MLH3: variants seen among roughly 807,000 people sequenced by gnomAD.
MLH3 encodes the protein DNA mismatch repair protein Mlh3.
MLH3 carries 82 observed loss-of-function variants against 122.2 expected under a neutral mutation model. The observed-to-expected ratio is 0.67, with a 90% CI of 0.56 to 0.81. MLH3 has a LOEUF of 0.81. Ranked by LOEUF, MLH3 falls within the 30% of genes least tolerant of loss-of-function variation. MLH3 has a pLI of 0.00. For missense variants in MLH3, 1,539 were observed against 1,714.5 expected (o/e 0.90, Z 1.81); for synonymous variants, 524 against 599.5 (o/e 0.87, Z 1.84).
intron 9 of MLH3, among the ~76,000 whole-genome samples, chr14:75,029,064 C>T (rs1447069963): frequency 2.9e-5 from 4 of 139,146 alleles, no homozygotes; most frequent in Admixed American, 7.7e-5. Context: ...GTAGGAGAAT[C>T]GCTTTAACCC....
intron 2 of MLH3, 107 bp downstream of exon 2, chr14:75,046,269 A>G (rs1892210328): frequency 5.9e-6 from 7 of 1,183,794 alleles, no homozygotes; most frequent in Non-Finnish European, 8.8e-6. Context: ...TGGTCTTCAA[A>G]ATGTTCTATC....
rs12050143 is a variant in MLH3, at chr14:75,043,305, C to A, written c.3281-828G>T. 2.2e-3 allele frequency among the ~76,000 whole-genome samples: 329 copies of A among 152,336 alleles called. 2 individuals carry two copies. The East Asian group carries it at 0.036, about 17-fold the overall frequency. On this transcript the variant is annotated intron_variant, in intron 2 of 12. Transcript: ENST00000355774. ...TATGTCTCTTATCTCCAATGTATGT[C>A]TCTATCCTAACATTTGTCTCATTAT...
intron 11 of MLH3, among the ~76,000 whole-genome samples, chr14:75,021,526 C>T (rs1177647211): frequency 6.6e-6 from 1 of 152,126 alleles, no homozygotes; most frequent in African/African-American, 2.4e-5. Context: ...AGGACATGAA[C>T]ACACACTTCT....
At position 75,046,270 on chromosome 14, in the gene MLH3, A is replaced by G. The variant is rs562805358; in HGVS notation, c.3280+106T>C. The G allele has an allele frequency of 2.5e-6, 3 of 1,188,354 alleles. No individual in the cohort carries two copies. The African/African-American group carries it at 4.5e-5, about 18-fold the overall frequency. 73.6% of individuals were successfully genotyped at this position (1,188,354 alleles called of 1,614,324 possible). On this transcript the variant is annotated intron_variant, in intron 2 of 12. Transcript: ENST00000355774. ...ATATGTTTTATAAGTGGTCTTCAAAATGTTCTATCTGTTGAGATAATCTCT... is the reference window on the plus strand; with the variant it reads ...ATATGTTTTATAAGTGGTCTTCAAAGTGTTCTATCTGTTGAGATAATCTCT...
At chr14:75,021,428 CTA>C (rs1256529797) in intron 11 of MLH3, among the ~76,000 whole-genome samples, 2 of 152,114 alleles carry the variant, frequency 1.3e-5, no homozygotes, top group Non-Finnish European at 2.9e-5. Context: ...TATCCAGAAT[CTA>C]TATAAGGAAC....
intron 9 of MLH3, among the ~76,000 whole-genome samples, 165 bp from the exon 10 acceptor site, chr14:75,023,183 G>T (rs1193051500): frequency 3.3e-5 from 5 of 152,142 alleles, no homozygotes; most frequent in Non-Finnish European, 5.9e-5. Flanking sequence ...AAGGCACTTT[G>T]AATATGAAAA....
intron 12 of MLH3, among the ~76,000 whole-genome samples, chr14:75,017,520 G>A (rs1483659883): frequency 2.0e-5 from 3 of 151,694 alleles, no homozygotes; most frequent in East Asian, 3.9e-4. Flanking sequence ...CAGCCTGGGC[G>A]ACAGAGTGAG....
chr14:75,047,223 A>G lies in MLH3; in HGVS notation c.2433T>C (p.His811=), dbSNP rs769041255. The G allele has an allele frequency of 4.3e-6, 7 of 1,614,022 alleles. No individual in the cohort carries two copies. The African/African-American group carries it at 5.3e-5, about 12-fold the overall frequency. Reference sequence around the variant, plus strand: ...GTTGACAACTACTATCTGAATCACTATGCTCCATAGTAGTGATTTTACAAA... The same window carrying G: ...GTTGACAACTACTATCTGAATCACTGTGCTCCATAGTAGTGATTTTACAAA... The part of the protein sequence containing the change: ...SDVCKITTME[H]SDSDSSCQPA... The change falls in exon 2 of 13, where the codon CAT becomes CAC. Residue 811 remains histidine, a synonymous_variant. Coordinates refer to ENST00000355774, the MANE Select transcript of MLH3 (RefSeq NM_001040108.2).
chr14:75,018,757 G>A, intron 12 of MLH3, 72 bp downstream of exon 12: 2 of 1,531,308 alleles, frequency 1.3e-6, no homozygotes, highest in Non-Finnish European at 1.8e-6. Flanking sequence ...GATTACAGTT[G>A]CATAGTAAAA....
At position 75,048,332 on chromosome 14, in the gene MLH3, T is replaced by C. The variant is rs1892412042; in HGVS notation, c.1324A>G (p.Ile442Val). 1.9e-6 allele frequency: 3 copies of C among 1,614,030 alleles called. No homozygotes were observed. The highest frequency in any genetic ancestry group is 1.3e-5 in the African/African-American group (1 of 75,058). The change falls in exon 2 of 13, where the codon ATT becomes GTT. Residue 442 changes from isoleucine to valine, a missense_variant. Coordinates refer to ENST00000355774, the MANE Select transcript of MLH3 (RefSeq NM_001040108.2). ...TGGCCTGGACCACCTGATTCATAAA[T>C]GTACAAAAATGCATCATTTGTATTT... ...RKNTNDAFLY[I>V]YESGGPGHSK...
At chr14:75,042,274 T>C in intron 3 of MLH3, 105 bp downstream of exon 3, 2 of 943,820 alleles carry the variant, frequency 2.1e-6, no homozygotes, top group South Asian at 1.3e-5. Flanking sequence ...CTGATTCCAG[T>C]ACAGCACAGC....
chr14:75,022,719 A>T, intron 11 of MLH3, 95 bp downstream of exon 11: 2 of 1,008,854 alleles, frequency 2.0e-6, no homozygotes, highest in Non-Finnish European at 3.2e-6. Flanking sequence ...AGAGTCAAGT[A>T]GTAAATGTAC....
Position 75,047,952 on chromosome 14 carries a change from T to A in MLH3, c.1704A>T (p.Ala568=). The A allele has an allele frequency of 6.2e-7, 1 of 1,614,206 alleles. No individual in the cohort carries two copies. The highest frequency in any genetic ancestry group is 1.1e-5 in the South Asian group (1 of 91,082). ...TEVGCQPLPF[A]TTLWGVHSAQ... ...CACTATGTACTCCCCATAATGTTGT[T>A]GCAAAAGGCAGAGGCTGGCATCCCA... The change falls in exon 2 of 13, where the codon GCA becomes GCT. Residue 568 remains alanine (A), a synonymous_variant. Transcript: ENST00000355774.
chr14:75,038,552 G>C, intron 5 of MLH3, 140 bp from the exon 6 acceptor site: 1 of 680,310 alleles, frequency 1.5e-6, no homozygotes, highest in Non-Finnish European at 2.7e-6. Flanking sequence ...GTAAGGTTCT[G>C]ATGAACCAGA....
Position 75,048,032 on chromosome 14 carries a change from A to G in MLH3, c.1624T>C (p.Leu542=). 6.2e-7 allele frequency: 1 copy of G among 1,613,602 alleles called. No homozygotes were observed. Residue 542 remains leucine, a synonymous_variant, in exon 2 of 13, where the codon TTG becomes CTG. Coordinates refer to ENST00000355774, the MANE Select transcript of MLH3 (RefSeq NM_001040108.2). ...TGATTCTGAATTCTATTATTTTTCAAGATGTTGGCAGCCATGCCATTAACA... is the reference window on the plus strand; with the variant it reads ...TGATTCTGAATTCTATTATTTTTCAGGATGTTGGCAGCCATGCCATTAACA... ...TTVNGMAANI[L]KNNRIQNQPK...
chr14:75,047,350 T>C lies in MLH3; in HGVS notation c.2306A>G (p.Asp769Gly). Residue 769 changes from aspartate to glycine, a missense_variant, in exon 2 of 13, where the codon GAT (aspartate) becomes GGT (glycine). Coordinates refer to ENST00000355774, the MANE Select transcript of MLH3 (RefSeq NM_001040108.2). Reference protein sequence around the residue: ...RQYGKVENPLDTEVEESNGVT... With the variant: ...RQYGKVENPLGTEVEESNGVT... ...TCCATTACTTTCCTCTACTTCTGTA[T>C]CCAGAGGATTTTCAACCTTCCCATA... 1.2e-6 allele frequency: 2 copies of C among 1,614,182 alleles called. No individual in the cohort carries two copies. Among genetic ancestry groups the C allele is most frequent in the African/African-American group, 1.3e-5 (1 of 75,068 alleles).
chr14:75,030,933 G>A (rs917578282), intron 8 of MLH3, among the ~76,000 whole-genome samples: 1 of 152,154 alleles, frequency 6.6e-6, no homozygotes, highest in Non-Finnish European at 1.5e-5. Flanking sequence ...GAATCAATCT[G>A]TGTCTAAGTC....
intron 11 of MLH3, among the ~76,000 whole-genome samples, chr14:75,019,405 G>A (rs898154706): frequency 2.9e-4 from 20 of 69,724 alleles, no homozygotes; most frequent in African/African-American, 8.7e-4. Flanking sequence ...GCGAGACTCC[G>A]TTCTCAAAAA....
chr14:75,043,884 G>A (rs1892038442), intron 2 of MLH3, among the ~76,000 whole-genome samples: 1 of 152,126 alleles, frequency 6.6e-6, no homozygotes, highest in Admixed American at 6.5e-5. Context: ...GAGGTTGGGA[G>A]TTTGAGACCA....
Sources: allele counts gnomAD v4.1 joint callset (sites outside exome capture counted in the v4.1 genomes callset), GRCh38; gene constraint gnomAD v4.1.1; transcripts MANE v1.5; gene names NCBI Gene and HGNC (gene_info 2026-07-23, HGNC 2026-07-21).